The following SLC2A13 variants were observed in gnomAD, a reference collection of about 807,000 sequenced individuals.
SLC2A13 encodes proton myo-inositol cotransporter.
SLC2A13 carries 32 observed loss-of-function variants against 64.4 expected under a neutral mutation model. The observed-to-expected ratio is 0.50, with a 90% CI of 0.37 to 0.67. SLC2A13 has a LOEUF of 0.67. Ranked by LOEUF, SLC2A13 falls within the 30% of genes least tolerant of loss-of-function variation. SLC2A13 has a pLI of 0.00. For missense variants in SLC2A13, 743 were observed against 829.2 expected (o/e 0.90, Z 1.28); for synonymous variants, 338 against 327.1 (o/e 1.03, Z -0.36).
intron 5 of SLC2A13, among the ~76,000 whole-genome samples, 184 bp from the exon 6 acceptor site, chr12:39,865,066 T>C (rs1943871770): frequency 1.3e-5 from 2 of 152,180 alleles, no homozygotes; most frequent in South Asian, 2.1e-4. Context: ...TTATCAGAAC[T>C]ATTCACTAGC....
At position 39,764,721 on chromosome 12, in the gene SLC2A13, C is replaced by T. The variant is rs772784399; in HGVS notation, c.1567+16G>A. 6.2e-7 allele frequency: 1 copy of T among 1,610,598 alleles called. No individual in the cohort carries two copies. Among genetic ancestry groups the T allele is most frequent in the Admixed American group, 1.7e-5 (1 of 59,378 alleles). On this transcript the variant is annotated intron_variant, in intron 8 of 9. Transcript: ENST00000280871. ...CAATTCAATTAATGCAACAGTATAA[C>T]AAAGTCTTTGTTTACCAGGTGCAAA...
At chr12:39,771,959 T>C (rs1164434113) in intron 7 of SLC2A13, among the ~76,000 whole-genome samples, 1 of 152,158 alleles carries the variant, frequency 6.6e-6, no homozygotes, top group Non-Finnish European at 1.5e-5. Flanking sequence ...AAACTCTTAC[T>C]CTTGATATCT....
At chr12:39,895,526 A>G (rs1452133696) in intron 4 of SLC2A13, among the ~76,000 whole-genome samples, 2,013 of 41,090 alleles carry the variant, frequency 0.049, 222 homozygotes, top group East Asian at 0.21. Flanking sequence ...ATATATATAT[A>G]TATATATATA....
At chr12:40,009,562 T>C (rs1592002695) in intron 3 of SLC2A13, among the ~76,000 whole-genome samples, 2 of 152,126 alleles carry the variant, frequency 1.3e-5, no homozygotes, top group East Asian at 3.9e-4. Flanking sequence ...CCCGAGTATC[T>C]GGGGCTTCAG....
intron 3 of SLC2A13, among the ~76,000 whole-genome samples, chr12:39,974,407 T>TG (rs1946726299): frequency 6.6e-6 from 1 of 152,222 alleles, no homozygotes; most frequent in Admixed American, 6.5e-5. Flanking sequence ...TCCTGCCTGT[T>TG]TTTGGTGTCC....
intron 3 of SLC2A13, among the ~76,000 whole-genome samples, chr12:39,978,973 T>C (rs1451805279): frequency 3.3e-5 from 5 of 149,524 alleles, no homozygotes; most frequent in South Asian, 2.2e-4. Context: ...CAGCTGGAGA[T>C]CTGAGAACGG....
chr12:39,835,883 TA>T (rs1278691478), intron 6 of SLC2A13: 1 of 152,062 alleles, frequency 6.6e-6, no homozygotes, highest in East Asian at 1.9e-4. Context: ...CAGAATGAAA[TA>T]AAAAGAAGGC....
intron 1 of SLC2A13, among the ~76,000 whole-genome samples, chr12:40,054,905 TTAA>T: frequency 6.6e-6 from 1 of 152,196 alleles, no homozygotes; most frequent in Non-Finnish European, 1.5e-5. Context: ...AAGCTACCTT[TTAA>T]TAATAATGCT....
In SLC2A13 at chr12:39,864,776, A is replaced by T; in HGVS notation, c.1305T>A (p.Thr435=). The T allele has an allele frequency of 6.2e-7, 1 of 1,614,074 alleles. No individual in the cohort carries two copies. Among genetic ancestry groups the T allele is most frequent in the Non-Finnish European group, 8.5e-7 (1 of 1,179,940 alleles). The change falls in exon 6 of 10, where the codon ACT becomes ACA. Residue 435 remains threonine (T), a synonymous_variant. Coordinates refer to ENST00000280871, the MANE Select transcript of SLC2A13 (RefSeq NM_052885.4). ...TGGAATCTCACCTGTATCTTGTGCA[A>T]GTGGCGTTCTGACCTGACGGAGCTA... ...KPIAPSGQNA[T]CTRYSYCNEC...
intron 3 of SLC2A13, among the ~76,000 whole-genome samples, chr12:39,988,120 T>C (rs1048743833): frequency 1.3e-5 from 2 of 152,206 alleles, no homozygotes; most frequent in East Asian, 3.8e-4. Flanking sequence ...TTTGCATATA[T>C]GTAGGGACAG....
chr12:39,982,477 A>G lies in SLC2A13; in HGVS notation c.926-31112T>C, dbSNP rs1946926121. Among the ~76,000 whole-genome samples, 3 of 151,498 alleles carry G rather than the reference A, an allele frequency of 2.0e-5. No homozygotes were observed. In the South Asian group the frequency reaches 6.3e-4, roughly 32 times the overall value. On this transcript the variant is annotated intron_variant, in intron 3 of 9. Coordinates refer to ENST00000280871, the MANE Select transcript of SLC2A13 (RefSeq NM_052885.4). ...TTAAGCTGATAAGCAACTTCAGCAA[A>G]GTCTCAGGATACAAAATCAAAGTAC...
intron 7 of SLC2A13, among the ~76,000 whole-genome samples, chr12:39,793,011 A>G (rs1212975736): frequency 6.6e-6 from 1 of 152,172 alleles, no homozygotes; most frequent in Non-Finnish European, 1.5e-5. Flanking sequence ...GGTTAACAAA[A>G]TCTTTCACAT....
At chr12:40,082,702 C>G (rs1218650260) in intron 1 of SLC2A13, among the ~76,000 whole-genome samples, 2 of 152,182 alleles carry the variant, frequency 1.3e-5, no homozygotes, top group African/African-American at 4.8e-5. Context: ...TGCAGCCATT[C>G]CCACGCCAGA....
chr12:39,872,954 T>TA (rs1944092626), intron 4 of SLC2A13, among the ~76,000 whole-genome samples: 1 of 152,226 alleles, frequency 6.6e-6, no homozygotes, highest in African/African-American at 2.4e-5. Flanking sequence ...TTTCCATAGT[T>TA]AAAAATCTAC....
At chr12:39,816,756 T>C (rs1030781858) in intron 7 of SLC2A13, among the ~76,000 whole-genome samples, 1 of 152,080 alleles carries the variant, frequency 6.6e-6, no homozygotes, top group Non-Finnish European at 1.5e-5. Context: ...TTGGTTATGC[T>C]GCAAGAACCT....
At chr12:40,076,282 G>A (rs764146510) in intron 1 of SLC2A13, among the ~76,000 whole-genome samples, 25 of 152,056 alleles carry the variant, frequency 1.6e-4, no homozygotes, top group Non-Finnish European at 2.9e-5. Context: ...TACCTGATAG[G>A]TAGTTTTTTG....
Position 40,048,089 on chromosome 12 carries a change from A to G in SLC2A13, c.678T>C (p.Val226=), listed in dbSNP as rs1355548836. 1.2e-6 allele frequency: 2 copies of G among 1,613,244 alleles called. No homozygotes were observed. Among genetic ancestry groups the G allele is most frequent in the Non-Finnish European group, 1.7e-6 (2 of 1,179,660 alleles). ...TCTGGAGATAACTGAAGGCTCCATC[A>G]ACAACACTTGCAAAGAACTGCCCTC... ...ITGGQFFASV[V]DGAFSYLQKD... The change falls in exon 2 of 10, where the codon GTT becomes GTC. Residue 226 remains valine (V), a synonymous_variant. Transcript: ENST00000280871.
At chr12:39,822,611 C>T (rs1410530018) in intron 7 of SLC2A13, among the ~76,000 whole-genome samples, 2 of 152,166 alleles carry the variant, frequency 1.3e-5, no homozygotes, top group Non-Finnish European at 1.5e-5. Flanking sequence ...AGGTTCACCA[C>T]CATTATCTTA....
chr12:39,764,275 A>G (rs1940268060), intron 9 of SLC2A13, among the ~76,000 whole-genome samples, 185 bp downstream of exon 9: 1 of 152,084 alleles, frequency 6.6e-6, no homozygotes, highest in Admixed American at 6.6e-5. Flanking sequence ...TGTTTAGGAT[A>G]GGAGAATCCC....
Sources: allele counts gnomAD v4.1 joint callset (sites outside exome capture counted in the v4.1 genomes callset), GRCh38; gene constraint gnomAD v4.1.1; transcripts MANE v1.5; gene names NCBI Gene and HGNC (gene_info 2026-07-23, HGNC 2026-07-21).